Variants in COL27A1 observed in about 807,000 individuals in gnomAD.
The protein encoded by COL27A1 is collagen alpha-1(XXVII) chain.
Under a neutral mutation model 251.3 loss-of-function variants are expected in COL27A1, and 106 were observed. The observed-to-expected ratio is 0.42, with a 90% CI of 0.36 to 0.50. COL27A1 has a LOEUF of 0.50. COL27A1 is among the 20% of genes least tolerant of loss of function. The pLI is 0.00. For missense variants in COL27A1, 2,325 were observed against 2,522.8 expected (o/e 0.92, Z 1.68); for synonymous variants, 1,000 against 986.3 (o/e 1.01, Z -0.26).
chr9:114,288,843 C>T lies in COL27A1; in HGVS notation c.4099-71C>T, dbSNP rs1827700778. On this transcript the variant is annotated intron_variant, in intron 43 of 60. Coordinates refer to ENST00000356083, the MANE Select transcript of COL27A1 (RefSeq NM_032888.4). ...CATGTCTAGAAAGAACAAGAACTTC[C>T]CAGGCTTCTGTGCTGCCTCCCAGCC... The T allele has an allele frequency of 3.7e-6, 6 of 1,606,920 alleles. No homozygotes were observed. The East Asian group carries it at 1.1e-4, about 30-fold the overall frequency.
At chr9:114,172,712 T>G (rs1430586679) in intron 3 of COL27A1, among the ~76,000 whole-genome samples, 1 of 152,148 alleles carries the variant, frequency 6.6e-6, no homozygotes, top group Non-Finnish European at 1.5e-5. Context: ...GAGAATCCCT[T>G]GAACCTGGGA....
At chr9:114,167,079 T>C (rs1206239877) in intron 2 of COL27A1, among the ~76,000 whole-genome samples, 1 of 152,196 alleles carries the variant, frequency 6.6e-6, no homozygotes, top group Non-Finnish European at 1.5e-5. Context: ...AGGACATCTT[T>C]ACCAAGCTCT....
Position 114,168,073 on chromosome 9 carries a change from C to T in COL27A1, c.518C>T (p.Ala173Val). 6.2e-7 allele frequency: 1 copy of T among 1,609,806 alleles called. No homozygotes were observed. Among genetic ancestry groups the T allele is most frequent in the Non-Finnish European group, 8.5e-7 (1 of 1,179,906 alleles). Residue 173 changes from alanine to valine, a missense_variant, in exon 3 of 61, where the codon GCC becomes GTC. By Grantham distance (64) the Ala-to-Val change is moderately conservative. Around this residue, in one of 4 missense-constraint regions of COL27A1, gnomAD observed 1,183 missense variants for 1,144.1 expected, o/e 1.03. Coordinates refer to ENST00000356083, the MANE Select transcript of COL27A1 (RefSeq NM_032888.4). ...GGCCGCACAGTCACTCTGGTGACTG[C>T]CTGCGGGCAGCGCCGGGTGCCTGTC... The part of the protein sequence containing the change: ...LRGRTVTLVT[A>V]CGQRRVPVLL...
In COL27A1 at chr9:114,183,941, G is replaced by A. The variant is rs547297004; in HGVS notation, c.2016+866G>A. On this transcript the variant is annotated intron_variant, in intron 5 of 60. Coordinates refer to ENST00000356083, the MANE Select transcript of COL27A1 (RefSeq NM_032888.4). ...TTCCCGGAGCTCTGGCAGAGGGCAAGGTTGTTGGGGCACTGCATTGGAAGT... is the reference window on the plus strand; with the variant it reads ...TTCCCGGAGCTCTGGCAGAGGGCAAAGTTGTTGGGGCACTGCATTGGAAGT... Among the ~76,000 whole-genome samples, 8 of 152,200 alleles carry A rather than the reference G, an allele frequency of 5.3e-5. No individual in the cohort carries two copies. The South Asian group carries it at 1.7e-3, about 31-fold the overall frequency.
upstream of COL27A1, among the ~76,000 whole-genome samples, chr9:114,154,172 C>T (rs772473585): frequency 2.0e-5 from 3 of 152,020 alleles, no homozygotes; most frequent in Non-Finnish European, 4.4e-5. This position sits in a 1 kb window ranked among gnomAD's most constrained non-coding sequence, Gnocchi z 5.8. Context: ...AGTTCGAGCG[C>T]AGGCGGACCG....
chr9:114,270,636 G>T (rs992292554), intron 35 of COL27A1, 92 bp from the exon 36 acceptor site: 2 of 986,524 alleles, frequency 2.0e-6, no homozygotes, highest in African/African-American at 1.6e-5. Context: ...CATGGGTCAG[G>T]GTCCTGCCCC....
At position 114,288,463 on chromosome 9, in the gene COL27A1, G is replaced by A. The variant is rs1827666425; in HGVS notation, c.3996G>A (p.Gln1332=). The A allele has an allele frequency of 6.2e-7, 1 of 1,610,144 alleles. No individual in the cohort carries two copies. Among genetic ancestry groups the A allele is most frequent in the Non-Finnish European group, 8.5e-7 (1 of 1,178,938 alleles). Residue 1332 remains glutamine, a synonymous_variant, in exon 42 of 61, where the codon CAG becomes CAA. Coordinates refer to ENST00000356083, the MANE Select transcript of COL27A1 (RefSeq NM_032888.4). ...TGGTTCTGTGTCCACAGGGGGAGCA[G>A]GGCGAGGACGGCAAGGCTGAGGGGC... ...PPGPKGEKGE[Q]GEDGKAEGPP... is the part of the protein sequence containing the mutation.
rs116746728 is a variant in COL27A1 at position 114,205,944 on chromosome 9, G to A, written c.2223+132G>A. 2.8e-3 allele frequency: 2,198 copies of A among 788,150 alleles called. 30 individuals carry two copies. In the African/African-American group the frequency reaches 0.029, roughly 10 times the overall value. The allele number at this position is 788,150 out of a possible 1,614,324, so 48.8% of individuals were successfully genotyped here. On this transcript the variant is annotated intron_variant, in intron 9 of 60. Transcript: ENST00000356083. ...CTGCTGGGTGGACCCTAAGGAGGGG[G>A]CTTTCCAGGGGACTGGACCAAGGAA...
chr9:114,199,047 G>T (rs543923773), intron 7 of COL27A1, among the ~76,000 whole-genome samples: 1 of 152,278 alleles, frequency 6.6e-6, no homozygotes, highest in African/African-American at 2.4e-5. Flanking sequence ...CAATCTGGTA[G>T]CACTAGTCAT....
At chr9:114,165,280 C>G (rs1848751176) in intron 2 of COL27A1, among the ~76,000 whole-genome samples, 1 of 152,170 alleles carries the variant, frequency 6.6e-6, no homozygotes, top group South Asian at 2.1e-4. Context: ...AGGGAACTGT[C>G]CTTCTATCCA....
At chr9:114,245,717 G>C in intron 23 of COL27A1, 149 bp from the exon 24 acceptor site, 1 of 752,458 alleles carries the variant, frequency 1.3e-6, no homozygotes, top group East Asian at 2.5e-5. Flanking sequence ...CTGCCCATTT[G>C]TTGGGGGTCT....
chr9:114,269,513 G>A (rs754330033), intron 35 of COL27A1, among the ~76,000 whole-genome samples: 16 of 150,822 alleles, frequency 1.1e-4, no homozygotes, highest in Non-Finnish European at 1.8e-4. Flanking sequence ...TACTCGGGGG[G>A]CTGAGGCAGG....
chr9:114,212,220 C>A (rs570428281), intron 12 of COL27A1, among the ~76,000 whole-genome samples: 2 of 152,220 alleles, frequency 1.3e-5, no homozygotes, highest in African/African-American at 4.8e-5. Flanking sequence ...GGGCAAGGAG[C>A]AGCACCTGAT....
intron 10 of COL27A1, among the ~76,000 whole-genome samples, chr9:114,209,106 C>G (rs746028894): frequency 2.2e-4 from 34 of 152,164 alleles, no homozygotes; most frequent in Non-Finnish European, 4.3e-4. Context: ...CTTTGTCTGT[C>G]CAGTGTGGGT....
chr9:114,235,511 C>G, intron 16 of COL27A1, 88 bp from the exon 17 acceptor site: 1 of 999,350 alleles, frequency 1.0e-6, no homozygotes, highest in Non-Finnish European at 1.6e-6. Context: ...AGCCTCGGCA[C>G]AGCTGTACCT....
chr9:114,269,162 C>A, intron 34 of COL27A1, 79 bp from the exon 35 acceptor site: 1 of 958,124 alleles, frequency 1.0e-6, no homozygotes, highest in Non-Finnish European at 1.5e-6. Flanking sequence ...AAAGTCAGAG[C>A]TGGTGGAAAC....
At chr9:114,295,635 A>T (rs2131642582) in intron 49 of COL27A1, among the ~76,000 whole-genome samples, 1 of 152,256 alleles carries the variant, frequency 6.6e-6, no homozygotes, top group South Asian at 2.1e-4. Flanking sequence ...TACCATACAT[A>T]TACGGACAAC....
chr9:114,300,605 C>T lies in COL27A1; in HGVS notation c.4639-20C>T, dbSNP rs754309718. On this transcript the variant is annotated intron_variant, in intron 50 of 60. Transcript: ENST00000356083. The stretch of plus-strand genomic sequence containing the variant: ...CCAGTGGCTGCCAAGTACAGACAGC[C>T]CTTTCTCTGCCTCCCACAGGGCCCG... 4.6e-6 allele frequency: 7 copies of T among 1,535,388 alleles called. No homozygotes were observed. In the East Asian group the frequency reaches 9.6e-5, roughly 21 times the overall value.
Position 114,204,958 on chromosome 9 carries a change from T to TG in COL27A1, c.2125-140dup. The TG allele has an allele frequency of 4.5e-6, 3 of 662,890 alleles. No individual in the cohort carries two copies. In the South Asian group the frequency reaches 5.8e-5, roughly 13 times the overall value. The allele number at this position is 662,890 out of a possible 1,614,324, so 41.1% of individuals were successfully genotyped here. A position where few individuals can be genotyped will look rare whatever the true frequency, so the allele number is the denominator to read the frequency against. On this transcript the variant is annotated intron_variant, in intron 7 of 60. Coordinates refer to ENST00000356083, the MANE Select transcript of COL27A1 (RefSeq NM_032888.4). ...CCCTCACATGGTATCTGCATCCATC[T>TG]GGGGAACCTTTACTGAGTGCACACT... is the stretch of plus-strand genomic sequence containing the variant.
Sources: allele counts gnomAD v4.1 joint callset (sites outside exome capture counted in the v4.1 genomes callset), GRCh38; gene constraint gnomAD v4.1.1; regional missense constraint gnomAD v4.1.1; non-coding constraint Gnocchi (gnomAD v3.1); transcripts MANE v1.5; gene names NCBI Gene and HGNC (gene_info 2026-07-23, HGNC 2026-07-21).